Variants in RBMS1 observed in about 807,000 individuals in gnomAD.
RBMS1 encodes RNA-binding motif, single-stranded-interacting protein 1.
In RBMS1, 17 loss-of-function variants were observed where a neutral mutation model predicts 62.3. That is an observed-to-expected ratio of 0.27 (90% CI 0.19 to 0.41). The LOEUF is 0.41. Among genes scored for constraint, RBMS1 ranks in the 10% least tolerant of loss-of-function variants. The probability of loss-of-function intolerance (pLI) is 1.00; values close to 1 mark genes in which losing one functional copy is unlikely to be tolerated. For missense variants in RBMS1, 334 were observed against 504.5 expected, an observed-to-expected ratio of 0.66 and a Z score of 3.24; for synonymous variants, 172 against 170.0, an observed-to-expected ratio of 1.01 and a Z score of -0.09.
chr2:160,355,908 C>T lies in RBMS1; in HGVS notation c.251+11308G>A, dbSNP rs545158109. 9.9e-5 allele frequency among the ~76,000 whole-genome samples: 15 copies of T among 152,210 alleles called. No homozygotes were observed. In the South Asian group the frequency reaches 3.1e-3, roughly 32 times the overall value. On this transcript the variant is annotated intron_variant, in intron 2 of 13. Coordinates refer to ENST00000348849, the MANE Select transcript of RBMS1 (RefSeq NM_016836.4). ...CTCAGTGCAGTATCTAGAAAAATCA[C>T]TGGCATAATGTCTAATAAATATTTG... is the stretch of plus-strand genomic sequence containing the variant.
intron 1 of RBMS1, among the ~76,000 whole-genome samples, chr2:160,438,373 G>C (rs1021951127): frequency 2.6e-5 from 4 of 151,634 alleles, no homozygotes; most frequent in African/African-American, 9.7e-5. Flanking sequence ...AGTGAACAAA[G>C]GTCTCTGGTT....
rs1307920327 is a variant in RBMS1 at position 160,303,363 on chromosome 2, G to C, written c.527C>G (p.Ser176Cys). The stretch of plus-strand genomic sequence containing the variant: ...GCCAACACCACGACTTGTACCACTG[G>C]AATCACGTAGTATCCTTGTAGAAAT... Reference protein sequence around the residue: ...QVISTRILRDSSGTSRGVGFA... With the variant: ...QVISTRILRDCSGTSRGVGFA... Residue 176 changes from serine to cysteine, a missense_variant, in exon 5 of 14, where the codon TCC becomes TGC. Ser to Cys is a moderately radical substitution (Grantham distance 112). Transcript: ENST00000348849. The C allele has an allele frequency of 1.2e-6, 2 of 1,612,186 alleles. No individual in the cohort carries two copies. The highest frequency in any genetic ancestry group is 8.5e-7 in the Non-Finnish European group (1 of 1,179,264).
At chr2:160,489,990 T>C (rs1685755044) in intron 1 of RBMS1, among the ~76,000 whole-genome samples, 1 of 152,164 alleles carries the variant, frequency 6.6e-6, no homozygotes, top group Non-Finnish European at 1.5e-5. Context: ...ATGTATGTTG[T>C]AGTATCTTTG....
intron 1 of RBMS1, among the ~76,000 whole-genome samples, chr2:160,404,234 A>C (rs1695579049): frequency 6.6e-6 from 1 of 152,084 alleles, no homozygotes; most frequent in Admixed American, 6.5e-5. Context: ...GTGTATTTCT[A>C]ATGTGCTCAC....
At chr2:160,403,832 T>C (rs1391526526) in intron 1 of RBMS1, among the ~76,000 whole-genome samples, 1 of 152,032 alleles carries the variant, frequency 6.6e-6, no homozygotes, top group Non-Finnish European at 1.5e-5. Flanking sequence ...CTTAGCTACC[T>C]CAAGAAAGCA....
chr2:160,304,850 G>A (rs1448460500), intron 4 of RBMS1, among the ~76,000 whole-genome samples: 2 of 152,076 alleles, frequency 1.3e-5, no homozygotes, highest in African/African-American at 2.4e-5. Flanking sequence ...ATTCATTAAT[G>A]AAGAACAAAA....
chr2:160,278,610 C>A lies in RBMS1; in HGVS notation c.1000G>T (p.Ala334Ser), dbSNP rs201470529. ...SMEHTMSLQP[A>S]SMISPLAQQM... ...TGGGCCAGAGGGCTGATCATTGATG[C>A]GGGCTGTAGTGACATGGTGTGCTCC... The change falls in exon 11 of 14, where the codon GCA (alanine) becomes TCA (serine). Residue 334 changes from alanine (A) to serine (S), a missense_variant. Transcript: ENST00000348849. 1 of 1,613,400 alleles carries A rather than the reference C, an allele frequency of 6.2e-7. No individual in the cohort carries two copies. The highest frequency in any genetic ancestry group is 8.5e-7 in the Non-Finnish European group (1 of 1,179,742).
At chr2:160,297,758 A>C (rs1316616991) in intron 6 of RBMS1, among the ~76,000 whole-genome samples, 2 of 152,220 alleles carry the variant, frequency 1.3e-5, no homozygotes, top group East Asian at 3.9e-4. Flanking sequence ...AAACCATGAG[A>C]GAAAGCCAAG....
chr2:160,426,252 A>T (rs1574043432), intron 1 of RBMS1, among the ~76,000 whole-genome samples: 1 of 123,654 alleles, frequency 8.1e-6, no homozygotes, highest in East Asian at 2.4e-4. Flanking sequence ...AAAGAAAGAA[A>T]GAAAGAAAGA....
At chr2:160,339,701 AAT>A (rs5835801) in intron 2 of RBMS1, among the ~76,000 whole-genome samples, 103,761 of 151,410 alleles carry the variant, frequency 0.69, 37,065 homozygotes, top group East Asian at 0.83. Context: ...ATGCAATTAA[AAT>A]ATATATATAT....
intron 2 of RBMS1, among the ~76,000 whole-genome samples, chr2:160,343,180 G>A (rs977966653): frequency 2.6e-5 from 4 of 152,148 alleles, no homozygotes; most frequent in African/African-American, 9.7e-5. Flanking sequence ...AGTTCTCAAA[G>A]ATTCCTCTTT....
At chr2:160,323,509 T>C (rs561644181) in intron 2 of RBMS1, among the ~76,000 whole-genome samples, 1 of 148,998 alleles carries the variant, frequency 6.7e-6, no homozygotes, top group East Asian at 2.0e-4. Flanking sequence ...AATAGGGACA[T>C]ATGATGTACT....
At chr2:160,299,619 C>T (rs890307863) in intron 6 of RBMS1, among the ~76,000 whole-genome samples, 1 of 152,180 alleles carries the variant, frequency 6.6e-6, no homozygotes, top group Non-Finnish European at 1.5e-5. Context: ...AGGACAGCTT[C>T]GAAACCCTTG....
At chr2:160,423,478 C>T (rs1302489857) in intron 1 of RBMS1, among the ~76,000 whole-genome samples, 1 of 152,112 alleles carries the variant, frequency 6.6e-6, no homozygotes, top group South Asian at 2.1e-4. Flanking sequence ...GACGTTTGCA[C>T]TTCACTGCCC....
chr2:160,376,260 CTTAT>C (rs1693994245), intron 1 of RBMS1, among the ~76,000 whole-genome samples: 2 of 152,192 alleles, frequency 1.3e-5, no homozygotes, highest in African/African-American at 4.8e-5. Context: ...ACAAAACCAA[CTTAT>C]TTATTTATTC....
intron 1 of RBMS1, among the ~76,000 whole-genome samples, chr2:160,461,933 G>A (rs1684481094): frequency 6.6e-6 from 1 of 152,216 alleles, no homozygotes; most frequent in Non-Finnish European, 1.5e-5. Context: ...AGACTGTCGA[G>A]TAGAATCATT....
At chr2:160,372,435 T>A (rs1573951571) in intron 1 of RBMS1, among the ~76,000 whole-genome samples, 1 of 152,134 alleles carries the variant, frequency 6.6e-6, no homozygotes, top group East Asian at 1.9e-4. Flanking sequence ...AGCAAAATAA[T>A]CACTACAGTT....
rs186155509 is a variant in RBMS1 at position 160,347,930 on chromosome 2, G to T, written c.251+19286C>A. Among the ~76,000 whole-genome samples, 453 of 152,114 alleles carry T rather than the reference G, an allele frequency of 3.0e-3. 3 individuals are homozygous for T. The highest frequency in any genetic ancestry group is 3.8e-3 in the Non-Finnish European group (256 of 67,988). ...ATCTTAATTCAGAGTCCATGATTGA[G>T]AAATGAGGCTAAAATAAACAGCAAC... On this transcript the variant is annotated intron_variant, in intron 2 of 13. Transcript: ENST00000348849.
intron 1 of RBMS1, among the ~76,000 whole-genome samples, chr2:160,471,691 G>GTGTGTATGTATATATATATATA (rs1275928756): frequency 1.5e-5 from 1 of 65,950 alleles, no homozygotes. Context: ...ATCCTTTGGT[G>GTGTGTATGTATATATATATATA]TATATATATA....
Sources: allele counts gnomAD v4.1 joint callset (sites outside exome capture counted in the v4.1 genomes callset), GRCh38; gene constraint gnomAD v4.1.1; transcripts MANE v1.5; gene names NCBI Gene and HGNC (gene_info 2026-07-23, HGNC 2026-07-21).